Variants in LZTS1 observed in about 807,000 individuals in gnomAD.
LZTS1 encodes the protein leucine zipper tumor suppressor 1.
A neutral mutation model predicts 45.8 loss-of-function variants in LZTS1; 31 were observed. The ratio of observed to expected loss-of-function variants is 0.68; its 90% CI spans 0.51 to 0.91. The LOEUF (loss-of-function observed/expected upper bound fraction) is 0.91, where lower values mean the gene tolerates loss of function less well. Ranked by LOEUF, LZTS1 falls within the 40% of genes least tolerant of loss-of-function variation. LZTS1 has a pLI of 0.00. For synonymous variants in LZTS1, 359 were observed against 357.3 expected, an observed-to-expected ratio of 1.00 and a Z score of -0.05; for missense variants, 821 against 788.9, an observed-to-expected ratio of 1.04 and a Z score of -0.49.
intron 1 of LZTS1, chr8:20,289,944 G>A (rs1422213462): frequency 6.6e-6 from 1 of 152,334 alleles, no homozygotes; most frequent in Non-Finnish European, 1.5e-5. Flanking sequence ...TCGAGAGGGA[G>A]GGCCGAGACT....
intron 2 of LZTS1, among the ~76,000 whole-genome samples, chr8:20,254,407 C>T (rs1025645604): frequency 6.6e-6 from 1 of 152,212 alleles, no homozygotes; most frequent in African/African-American, 2.4e-5. Flanking sequence ...GAGAAGACCG[C>T]ACCCACCCCC....
chr8:20,295,567 T>A (rs1800965834), intron 1 of LZTS1, among the ~76,000 whole-genome samples: 1 of 152,132 alleles, frequency 6.6e-6, no homozygotes, highest in South Asian at 2.1e-4. Flanking sequence ...GTGCTATATA[T>A]CAGATGCGGG....
chr8:20,282,222 A>G (rs978804850), intron 1 of LZTS1, among the ~76,000 whole-genome samples: 1 of 152,176 alleles, frequency 6.6e-6, no homozygotes, highest in Non-Finnish European at 1.5e-5. Flanking sequence ...ATAATGACTC[A>G]TTAGAGACTT....
At position 20,252,944 on chromosome 8, in the gene LZTS1, C is replaced by T. The variant is rs780595263; in HGVS notation, c.987G>A (p.Gln329=). 5.0e-6 allele frequency: 8 copies of T among 1,600,010 alleles called. No individual in the cohort carries two copies. Among genetic ancestry groups the T allele is most frequent in the Non-Finnish European group, 6.8e-6 (8 of 1,175,166 alleles). Residue 329 remains glutamine (Q), a synonymous_variant, in exon 3 of 4, where the codon CAG becomes CAA. Transcript: ENST00000381569. Reference sequence around the variant, plus strand: ...GCTGCAGTACCTGCAGGTGCAGGACCTGCTGCGCGCGCTGGCTCTTCTGCG... The same window carrying T: ...GCTGCAGTACCTGCAGGTGCAGGACTTGCTGCGCGCGCTGGCTCTTCTGCG... ...QASQKSQRAQ[Q]VLHLQVLQLQ...
chr8:20,254,739 C>A, intron 2 of LZTS1, 98 bp downstream of exon 2: 4 of 1,007,964 alleles, frequency 4.0e-6, no homozygotes, highest in Non-Finnish European at 5.7e-6. Context: ...TCTGAATGCT[C>A]AGGTCACCAC....
rs1467761462 is a variant in LZTS1, at chr8:20,253,580, G to C, written c.351C>G (p.Ser117=). The C allele has an allele frequency of 6.9e-7, 1 of 1,453,536 alleles. No homozygotes were observed. The highest frequency in any genetic ancestry group is 9.0e-7 in the Non-Finnish European group (1 of 1,105,062). The allele number at this position is 1,453,536 out of a possible 1,614,324, so 90.0% of individuals were successfully genotyped here. A position where few individuals can be genotyped will look rare whatever the true frequency, so the allele number is the denominator to read the frequency against. Residue 117 remains serine (S), a synonymous_variant, in exon 3 of 4, where the codon TCC becomes TCG. Transcript: ENST00000381569. ...CTGTGGGCCTCACTGCACCCTTCTCGGAGCCCTGTAGAGGAAAAGGACCGC... is the reference window on the plus strand; with the variant it reads ...CTGTGGGCCTCACTGCACCCTTCTCCGAGCCCTGTAGAGGAAAAGGACCGC... ...MPFSNQLEMG[S]EKGAVRPTAF... is the part of the protein sequence containing the mutation.
At position 20,287,204 on chromosome 8, in the gene LZTS1, G is replaced by A. The variant is rs113629070; in HGVS notation, c.-135+16536C>T. On this transcript the variant is annotated intron_variant, in intron 1 of 3. Coordinates refer to ENST00000381569, the MANE Select transcript of LZTS1 (RefSeq NM_021020.5). ...TTCGGTGCCGGTCACTTGGAAATGA[G>A]AGGCAGAGCTAGAATTCAAGCCCAC... 8.3e-3 allele frequency among the ~76,000 whole-genome samples: 1,166 copies of A among 141,110 alleles called. 25 individuals are homozygous for A. The highest frequency in any genetic ancestry group is 0.036 in the African/African-American group (1,108 of 30,980). 92.6% of individuals were successfully genotyped at this position (141,110 alleles called of 152,430 possible).
chr8:20,293,063 G>C (rs116661007), intron 1 of LZTS1, among the ~76,000 whole-genome samples: 1 of 151,996 alleles, frequency 6.6e-6, no homozygotes, highest in Non-Finnish European at 1.5e-5. Flanking sequence ...ATATTCCCCG[G>C]CTACAAGAGG....
At chr8:20,258,911 A>G (rs1800166680) in intron 1 of LZTS1, among the ~76,000 whole-genome samples, 1 of 152,178 alleles carries the variant, frequency 6.6e-6, no homozygotes, top group Admixed American at 6.5e-5. Flanking sequence ...ACTTAGGAGC[A>G]CAGGGTGGCT....
At chr8:20,266,530 C>G (rs1314624606) in intron 1 of LZTS1, among the ~76,000 whole-genome samples, 3 of 152,022 alleles carry the variant, frequency 2.0e-5, no homozygotes, top group African/African-American at 7.2e-5. Flanking sequence ...TTTGAGACAA[C>G]TGGTCACCTG....
intron 1 of LZTS1, among the ~76,000 whole-genome samples, chr8:20,255,706 C>T (rs1256134920): frequency 6.6e-6 from 1 of 152,064 alleles, no homozygotes; most frequent in Non-Finnish European, 1.5e-5. Flanking sequence ...GAGGACAGAA[C>T]AGAATTCTGG....
intron 1 of LZTS1, chr8:20,275,986 G>A (rs1402313443): frequency 6.6e-6 from 1 of 152,090 alleles, no homozygotes; most frequent in East Asian, 1.9e-4. Context: ...GCAGGTTTTT[G>A]GGACTGGAGC....
intron 3 of LZTS1, among the ~76,000 whole-genome samples, 196 bp from the exon 4 acceptor site, chr8:20,250,559 T>C (rs1274096714): frequency 6.6e-6 from 1 of 152,220 alleles, no homozygotes; most frequent in Admixed American, 6.5e-5. Context: ...CTAGGCTATA[T>C]AGTAAAATGA....
intron 3 of LZTS1, among the ~76,000 whole-genome samples, chr8:20,251,949 C>T (rs1303156244): frequency 6.6e-6 from 1 of 152,098 alleles, no homozygotes; most frequent in Non-Finnish European, 1.5e-5. Context: ...TGTTGACTTG[C>T]ACATAGCCAG....
Position 20,303,781 on chromosome 8 carries a change from T to TC in LZTS1, c.-177dup, listed in dbSNP as rs915866987. ...GGGCGCACTTGAGACTTTTTTTTTT[T>TC]CCCAGTGTTTCCCGGTGTGTTCCCG... On this transcript the variant is annotated 5_prime_UTR_variant, in exon 1 of 4. Coordinates refer to ENST00000381569, the MANE Select transcript of LZTS1 (RefSeq NM_021020.5). 5.1e-6 allele frequency: 5 copies of TC among 983,380 alleles called. No individual in the cohort carries two copies. In the African/African-American group the frequency reaches 5.3e-5, roughly 10 times the overall value. 60.9% of individuals were successfully genotyped at this position (983,380 alleles called of 1,614,324 possible). A position where few individuals can be genotyped will look rare whatever the true frequency, so the allele number is the denominator to read the frequency against.
intron 1 of LZTS1, chr8:20,289,818 C>T (rs1800868244): frequency 6.6e-6 from 1 of 152,222 alleles, no homozygotes; most frequent in African/African-American, 2.4e-5. Context: ...GCTCCTGACT[C>T]CCCGAAGCAA....
intron 3 of LZTS1, among the ~76,000 whole-genome samples, chr8:20,252,029 G>A (rs1799934059): frequency 9.2e-5 from 14 of 152,110 alleles, no homozygotes; most frequent in Admixed American, 9.2e-4. Flanking sequence ...AGACCAAGCT[G>A]GGTGCGAGCA....
chr8:20,253,418 C>T lies in LZTS1; in HGVS notation c.513G>A (p.Leu171=). 1.2e-6 allele frequency: 2 copies of T among 1,611,712 alleles called. No homozygotes were observed. The highest frequency in any genetic ancestry group is 1.7e-6 in the Non-Finnish European group (2 of 1,178,700). ...ELKPGLCSGA[L]SDSGRNSMSS... ...ACATGGAGTTCCGGCCGGAGTCTGACAGCGCCCCAGAGCACAGGCCAGGCT... is the reference window on the plus strand; with the variant it reads ...ACATGGAGTTCCGGCCGGAGTCTGATAGCGCCCCAGAGCACAGGCCAGGCT... Residue 171 remains leucine, a synonymous_variant, in exon 3 of 4, where the codon CTG becomes CTA. Coordinates refer to ENST00000381569, the MANE Select transcript of LZTS1 (RefSeq NM_021020.5).
rs773460676 is a variant in LZTS1 at position 20,255,223 on chromosome 8, T to G, written c.-42A>C. ...GGATGGGGCAGGGCCGGGCAGGGTC[T>G]TGGAAAGGCTGTGGCAGCAAGGGGC... is the stretch of plus-strand genomic sequence containing the variant. On this transcript the variant is annotated 5_prime_UTR_variant, in exon 2 of 4. Coordinates refer to ENST00000381569, the MANE Select transcript of LZTS1 (RefSeq NM_021020.5). 7.6e-6 allele frequency: 12 copies of G among 1,571,718 alleles called. No homozygotes were observed. Among genetic ancestry groups the G allele is most frequent in the Admixed American group, 3.5e-5 (2 of 57,302 alleles).
Sources: allele counts gnomAD v4.1 joint callset (sites outside exome capture counted in the v4.1 genomes callset), GRCh38; gene constraint gnomAD v4.1.1; transcripts MANE v1.5; gene names NCBI Gene and HGNC (gene_info 2026-07-23, HGNC 2026-07-21).